Variants in GNAS observed in about 807,000 individuals in gnomAD.
GNAS encodes the protein GNAS complex locus.
GNAS carries 8 observed loss-of-function variants against 54.5 expected under a neutral mutation model. The ratio of observed to expected loss-of-function variants is 0.15; its 90% CI spans 0.09 to 0.26. The LOEUF (loss-of-function observed/expected upper bound fraction) is 0.26. GNAS is among the 10% of genes least tolerant of loss of function. The pLI is 1.00. For missense variants in GNAS, 170 were observed against 529.8 expected (o/e 0.32, Z 6.67); for synonymous variants, 204 against 191.4 (o/e 1.07, Z -0.54).
chr20:58,862,085 G>A (rs896206846), intron 1 of GNAS, among the ~76,000 whole-genome samples: 1 of 152,048 alleles, frequency 6.6e-6, no homozygotes, highest in Non-Finnish European at 1.5e-5. Context: ...TTTTTTAAAG[G>A]GTAACATGTT....
At chr20:58,879,989 C>T (rs930921667) in intron 1 of GNAS, among the ~76,000 whole-genome samples, 3 of 152,298 alleles carry the variant, frequency 2.0e-5, no homozygotes, top group Non-Finnish European at 2.9e-5. Flanking sequence ...AGCTGACCCT[C>T]CCCAACCCAA....
In GNAS at chr20:58,853,403, C is replaced by G. The variant is rs995705467; in HGVS notation, c.43+12517C>G. Reference sequence around the variant, plus strand: ...CCCCCGGTGCTGGGCCTAGCCCAGCCGAAGAGATGGAGACCGAACCGCCTC... The same window carrying G: ...CCCCCGGTGCTGGGCCTAGCCCAGCGGAAGAGATGGAGACCGAACCGCCTC... On this transcript the variant is annotated intron_variant, in intron 1 of 12. Transcript: ENST00000306090. This position sits in a 1 kb window ranked among gnomAD's most constrained non-coding sequence, Gnocchi z 4.4. 4.4e-6 allele frequency: 7 copies of G among 1,574,758 alleles called. No homozygotes were observed. Among genetic ancestry groups the G allele is most frequent in the Non-Finnish European group, 6.0e-6 (7 of 1,160,858 alleles).
At chr20:58,855,065 C>A in intron 1 of GNAS, 1 of 1,613,218 alleles carries the variant, frequency 6.2e-7, no homozygotes, top group Non-Finnish European at 8.5e-7. Context: ...ATCGCCGCCG[C>A]CGAAAGCCCC....
At chr20:58,840,161 G>T (rs746736450), upstream of GNAS, 1 of 1,611,712 alleles carries the variant, frequency 6.2e-7, no homozygotes, top group African/African-American at 1.3e-5. This position sits in a 1 kb window ranked among gnomAD's most constrained non-coding sequence, Gnocchi z 6.0. Context: ...TAATTACAAC[G>T]ACCTGTGCCC....
Position 58,903,595 on chromosome 20 carries a change from G to C in GNAS, c.312+10G>C. On this transcript the variant is annotated intron_variant, in intron 4 of 12. Transcript: ENST00000371085. Reference sequence around the variant, plus strand: ...GAAAGAGGCGATTGAAGTACGTGCTGGCTCCTTGTGCTGTCTGTCTTGTAG... The same window carrying C: ...GAAAGAGGCGATTGAAGTACGTGCTCGCTCCTTGTGCTGTCTGTCTTGTAG... 1 of 1,614,028 alleles carries C rather than the reference G, an allele frequency of 6.2e-7. No individual in the cohort carries two copies. Among genetic ancestry groups the C allele is most frequent in the Non-Finnish European group, 8.5e-7 (1 of 1,179,932 alleles).
At chr20:58,846,273 G>A (rs1001473349) in intron 1 of GNAS, among the ~76,000 whole-genome samples, 1 of 152,144 alleles carries the variant, frequency 6.6e-6, no homozygotes, top group African/African-American at 2.4e-5. Flanking sequence ...GTTGAGGGCA[G>A]CTTCAAGTAT....
At chr20:58,891,096 C>A (rs1199949389), upstream of GNAS, among the ~76,000 whole-genome samples, 3 of 149,816 alleles carry the variant, frequency 2.0e-5, no homozygotes, top group Non-Finnish European at 3.0e-5. Flanking sequence ...CCCTCTCCCC[C>A]CTCGGCTCAG....
In GNAS at chr20:58,909,605, C is replaced by G. The variant is rs748220077; in HGVS notation, c.718+26C>G. ...GTAGGATGCTGTGGGCTTGGCTGTTCGTAAAGAACGCTTTGCTTCTGTGTT... is the reference window on the plus strand; with the variant it reads ...GTAGGATGCTGTGGGCTTGGCTGTTGGTAAAGAACGCTTTGCTTCTGTGTT... On this transcript the variant is annotated intron_variant, in intron 9 of 12. Transcript: ENST00000371085. This position sits in a 1 kb window ranked among gnomAD's most constrained non-coding sequence, Gnocchi z 7.3. The G allele has an allele frequency of 1.9e-5, 30 of 1,613,920 alleles. No homozygotes were observed. The highest frequency in any genetic ancestry group is 2.3e-5 in the Non-Finnish European group (27 of 1,179,936).
chr20:58,852,259 G>C (rs1252757980), intron 1 of GNAS, among the ~76,000 whole-genome samples: 1 of 152,116 alleles, frequency 6.6e-6, no homozygotes, highest in African/African-American at 2.4e-5. Context: ...GAGTGTGATG[G>C]GGGTGGGGGC....
chr20:58,871,634 C>CA (rs2087466979), intron 1 of GNAS, among the ~76,000 whole-genome samples: 43 of 34,662 alleles, frequency 1.2e-3, no homozygotes, highest in Non-Finnish European at 2.0e-3. Context: ...AAAAAACAAA[C>CA]AACAAAAAAA....
chr20:58,866,333 A>G (rs927005850), intron 1 of GNAS, among the ~76,000 whole-genome samples: 1 of 152,236 alleles, frequency 6.6e-6, no homozygotes, highest in African/African-American at 2.4e-5. Context: ...ACTGAGAAAG[A>G]GCATAAGATC....
intron 1 of GNAS, among the ~76,000 whole-genome samples, chr20:58,861,641 C>T (rs930316472): frequency 1.3e-5 from 2 of 152,020 alleles, no homozygotes; most frequent in African/African-American, 2.4e-5. Context: ...AAGGAAGGCA[C>T]GAATATAAAT....
intron 1 of GNAS, among the ~76,000 whole-genome samples, chr20:58,893,500 A>T (rs968710555): frequency 6.6e-6 from 1 of 152,222 alleles, no homozygotes; most frequent in Non-Finnish European, 1.5e-5. Context: ...AGAAAATAAT[A>T]AAAGGCTGTT....
chr20:58,844,319 T>C (rs2085858217), intron 1 of GNAS, among the ~76,000 whole-genome samples: 1 of 152,194 alleles, frequency 6.6e-6, no homozygotes, highest in Non-Finnish European at 1.5e-5. Context: ...CTGCTGCTCT[T>C]CTCTAAAAAA....
At chr20:58,907,725 A>G (rs2091173504) in intron 6 of GNAS, among the ~76,000 whole-genome samples, 2 of 152,258 alleles carry the variant, frequency 1.3e-5, no homozygotes, top group South Asian at 4.1e-4. Flanking sequence ...AAGGAAACTC[A>G]GAGAAAAAGA....
chr20:58,868,953 C>A (rs939142943), intron 1 of GNAS, among the ~76,000 whole-genome samples: 3 of 152,202 alleles, frequency 2.0e-5, no homozygotes, highest in African/African-American at 7.2e-5. Context: ...TGCGCCGGCG[C>A]CTAAGGCAGA....
intron 1 of GNAS, among the ~76,000 whole-genome samples, chr20:58,864,763 C>T (rs936034947): frequency 6.6e-6 from 1 of 152,190 alleles, no homozygotes; most frequent in Non-Finnish European, 1.5e-5. Context: ...TTTACTTTTA[C>T]GCTGTGACTT....
chr20:58,878,579 T>C (rs1006544760), intron 1 of GNAS, among the ~76,000 whole-genome samples: 2 of 152,178 alleles, frequency 1.3e-5, no homozygotes, highest in African/African-American at 4.8e-5. Context: ...GAGATCGCCT[T>C]TCCCTAGAAC....
chr20:58,898,271 C>CT (rs2090264642), intron 2 of GNAS: 1 of 148,776 alleles, frequency 6.7e-6, no homozygotes, highest in African/African-American at 2.5e-5. Flanking sequence ...TTTTCTTTTT[C>CT]TTTTTTCCGT....
Sources: allele counts gnomAD v4.1 joint callset (sites outside exome capture counted in the v4.1 genomes callset), GRCh38; gene constraint gnomAD v4.1.1; non-coding constraint Gnocchi (gnomAD v3.1); transcripts MANE v1.5; gene names NCBI Gene and HGNC (gene_info 2026-07-23, HGNC 2026-07-21).